ARHGAP26: variants seen among roughly 807,000 people sequenced by gnomAD.
ARHGAP26 encodes rho GTPase-activating protein 26.
A neutral mutation model predicts 104.8 loss-of-function variants in ARHGAP26; 38 were observed. The observed-to-expected ratio is 0.36, with a 90% CI of 0.28 to 0.48. The LOEUF is 0.48. ARHGAP26 is among the 20% of genes least tolerant of loss of function. The pLI is 0.99. For missense variants in ARHGAP26, 704 were observed against 947.9 expected (o/e 0.74, Z 3.38); for synonymous variants, 341 against 340.0 (o/e 1.00, Z -0.03).
At position 142,923,686 on chromosome 5, in the gene ARHGAP26, G is replaced by A. The variant is rs184302892; in HGVS notation, c.1029-8361G>A. Among the ~76,000 whole-genome samples, 4 of 152,210 alleles carry A rather than the reference G, an allele frequency of 2.6e-5. No homozygotes were observed. In the East Asian group the frequency reaches 7.7e-4, roughly 29 times the overall value. ...GTCTTTGGGCTTCCCGATGTTTTAC[G>A]ACTTCAGTCTCTCATAAAAATGTAA... On this transcript the variant is annotated intron_variant, in intron 10 of 22. Coordinates refer to ENST00000645722, the MANE Select transcript of ARHGAP26 (RefSeq NM_001135608.3).
At chr5:142,983,384 C>T (rs245730) in intron 11 of ARHGAP26, among the ~76,000 whole-genome samples, 145,755 of 152,270 alleles carry the variant, frequency 0.96, 69,979 homozygotes, top group Non-Finnish European at 0.99. Context: ...TTTTGTATTA[C>T]TAGTAGAGAC....
At chr5:142,792,491 A>T (rs1251313749) in intron 1 of ARHGAP26, among the ~76,000 whole-genome samples, 4 of 152,216 alleles carry the variant, frequency 2.6e-5, no homozygotes, top group Non-Finnish European at 4.4e-5. Context: ...GCTCACACAG[A>T]TGCCCTGTTT....
intron 11 of ARHGAP26, among the ~76,000 whole-genome samples, chr5:142,986,254 C>A (rs1008431946): frequency 3.3e-5 from 5 of 152,098 alleles, no homozygotes; most frequent in Non-Finnish European, 5.9e-5. Context: ...TCTCTGATGG[C>A]CAGTGATGAT....
chr5:142,786,400 G>C (rs555512458), intron 1 of ARHGAP26, among the ~76,000 whole-genome samples: 1 of 152,028 alleles, frequency 6.6e-6, no homozygotes, highest in Non-Finnish European at 1.5e-5. Context: ...GGACTCAAGT[G>C]TTCCTCCCAC....
intron 17 of ARHGAP26, among the ~76,000 whole-genome samples, chr5:143,085,121 G>A (rs1044698896): frequency 3.3e-5 from 5 of 151,440 alleles, no homozygotes; most frequent in Admixed American, 6.6e-5. Context: ...TGCGTTGTGC[G>A]AATTGTGGTC....
At chr5:143,181,646 G>C (rs115379190) in intron 20 of ARHGAP26, among the ~76,000 whole-genome samples, 1 of 152,176 alleles carries the variant, frequency 6.6e-6, no homozygotes, top group Non-Finnish European at 1.5e-5. Context: ...TTATTTATAC[G>C]TGACATGAAT....
rs147672714 is a variant in ARHGAP26, at chr5:142,880,269, C to T, written c.384+824C>T. On this transcript the variant is annotated intron_variant, in intron 4 of 22. Transcript: ENST00000645722. ...GCGCAGTGGCTCATGCCTGTAATCC[C>T]AGCACTTTGGGAGGCCTAGGTGGGC... 1.3e-3 allele frequency among the ~76,000 whole-genome samples: 192 copies of T among 152,272 alleles called. 1 individual carries two copies. The highest frequency in any genetic ancestry group is 4.3e-3 in the African/African-American group (177 of 41,558).
intron 14 of ARHGAP26, among the ~76,000 whole-genome samples, chr5:143,045,158 T>C (rs1194429718): frequency 6.6e-6 from 1 of 152,246 alleles, no homozygotes; most frequent in Non-Finnish European, 1.5e-5. Context: ...TCTTGTTCTC[T>C]TCCTTGATTT....
At chr5:142,817,125 G>C (rs1765287834) in intron 1 of ARHGAP26, among the ~76,000 whole-genome samples, 1 of 152,154 alleles carries the variant, frequency 6.6e-6, no homozygotes, top group African/African-American at 2.4e-5. Context: ...AAAACACTCA[G>C]CATGGTCCTG....
chr5:143,015,190 G>A (rs1385888602), intron 12 of ARHGAP26, among the ~76,000 whole-genome samples: 1 of 152,122 alleles, frequency 6.6e-6, no homozygotes, highest in Non-Finnish European at 1.5e-5. Context: ...AAAATTTCAA[G>A]TAAATATGCA....
chr5:142,849,029 G>GT (rs1234881654), intron 1 of ARHGAP26, among the ~76,000 whole-genome samples: 4 of 152,156 alleles, frequency 2.6e-5, no homozygotes, highest in African/African-American at 9.7e-5. Context: ...TCTCTTCCAT[G>GT]TTGTTTATTG....
intron 1 of ARHGAP26, chr5:142,771,290 A>C: frequency 8.1e-7 from 1 of 1,239,414 alleles, no homozygotes; most frequent in Non-Finnish European, 1.0e-6. Context: ...CAGCTCCCTT[A>C]GGGGCAGAGT....
rs1783534917 is a variant in ARHGAP26 at position 143,041,969 on chromosome 5, A to T, written c.1285+79A>T. The T allele has an allele frequency of 2.4e-6, 3 of 1,252,466 alleles. No homozygotes were observed. In the East Asian group the frequency reaches 7.6e-5, roughly 32 times the overall value. The allele number at this position is 1,252,466 out of a possible 1,614,324, so 77.6% of individuals were successfully genotyped here. A position where few individuals can be genotyped will look rare whatever the true frequency, so the allele number is the denominator to read the frequency against. ...GAAAAGTCACCAGGTCTGTGAGTAG[A>T]TACAGCCTGTGGCAAAGGAATCGGG... is the stretch of plus-strand genomic sequence containing the variant. On this transcript the variant is annotated intron_variant, in intron 14 of 22. Transcript: ENST00000645722.
rs58681445 is a variant in ARHGAP26, at chr5:142,987,941, A to G, written c.1108-26139A>G. ...TTTAGCATTGATATTCATCAGGGAT[A>G]TTGGCCTAAAATACTTTTTTGTATG... On this transcript the variant is annotated intron_variant, in intron 11 of 22. Coordinates refer to ENST00000645722, the MANE Select transcript of ARHGAP26 (RefSeq NM_001135608.3). Among the ~76,000 whole-genome samples, 502 of 152,296 alleles carry G rather than the reference A, an allele frequency of 3.3e-3. 16 individuals carry two copies. The East Asian group carries it at 0.054, about 16-fold the overall frequency.
chr5:142,895,951 A>T (rs893857981), intron 6 of ARHGAP26, among the ~76,000 whole-genome samples: 1 of 152,222 alleles, frequency 6.6e-6, no homozygotes, highest in Non-Finnish European at 1.5e-5. Context: ...TAAAGTCGTC[A>T]ATTACTTCAG....
intron 17 of ARHGAP26, 50 bp from the exon 18 acceptor site, chr5:143,120,938 C>T (rs748047838): frequency 2.0e-5 from 31 of 1,566,226 alleles, no homozygotes; most frequent in Non-Finnish European, 2.6e-5. Context: ...GTTGGTATCT[C>T]TGTGTACACG....
chr5:142,799,596 T>A (rs1350328174), intron 1 of ARHGAP26, among the ~76,000 whole-genome samples: 1 of 152,176 alleles, frequency 6.6e-6, no homozygotes, highest in Non-Finnish European at 1.5e-5. Context: ...GGGTAACTTA[T>A]AACCAACAGA....
chr5:142,791,907 T>C (rs975583470), intron 1 of ARHGAP26, among the ~76,000 whole-genome samples: 9 of 124,156 alleles, frequency 7.2e-5, no homozygotes, highest in African/African-American at 2.9e-4. Context: ...GAGGTTGCAG[T>C]GAGCCGAGAT....
At chr5:143,082,841 TC>T (rs1790011773) in intron 17 of ARHGAP26, among the ~76,000 whole-genome samples, 1 of 152,256 alleles carries the variant, frequency 6.6e-6, no homozygotes, top group Non-Finnish European at 1.5e-5. Flanking sequence ...ACTGATGTTT[TC>T]CCATGGCTTC....
Sources: gnomAD v4.1 joint callset for allele counts (sites outside exome capture counted in the v4.1 genomes callset) on GRCh38, gnomAD v4.1.1 for gene constraint, MANE v1.5 for transcripts, NCBI Gene and HGNC (gene_info 2026-07-23, HGNC 2026-07-21) for gene names.